GNA14: variants seen among roughly 807,000 people sequenced by gnomAD.
GNA14 encodes the protein guanine nucleotide-binding protein subunit alpha-14.
Under a neutral mutation model 42.0 loss-of-function variants are expected in GNA14, and 50 were observed. The ratio of observed to expected loss-of-function variants is 1.19; its 90% CI spans 0.95 to 1.51. GNA14 has a LOEUF of 1.51. Ranked by LOEUF, GNA14 falls within the 40% of genes most tolerant of loss-of-function variation. GNA14 has a pLI of 0.00. For missense variants in GNA14, 473 were observed against 446.2 expected, an observed-to-expected ratio of 1.06 and a Z score of -0.54; for synonymous variants, 173 against 163.1, an observed-to-expected ratio of 1.06 and a Z score of -0.46.
intron 2 of GNA14, among the ~76,000 whole-genome samples, chr9:77,487,463 T>C (rs1259098917): frequency 1.3e-5 from 2 of 151,544 alleles, no homozygotes; most frequent in Non-Finnish European, 2.9e-5. Context: ...TCCTCTTCCT[T>C]ATCTATAAAA....
At chr9:77,617,310 C>G (rs1045656715) in intron 1 of GNA14, among the ~76,000 whole-genome samples, 1 of 152,146 alleles carries the variant, frequency 6.6e-6, no homozygotes, top group Admixed American at 6.5e-5. Flanking sequence ...TCTCCAACCT[C>G]TCTCACCCAT....
At position 77,578,044 on chromosome 9, in the gene GNA14, G is replaced by C. The variant is rs370683764; in HGVS notation, c.125-48791C>G. On this transcript the variant is annotated intron_variant, in intron 1 of 6. Coordinates refer to ENST00000341700, the MANE Select transcript of GNA14 (RefSeq NM_004297.4). ...GCACCTTGGGAGGCTGAGGCGGGCA[G>C]ATCACGAGGTCAAGAGATCGAGACC... 9.2e-5 allele frequency among the ~76,000 whole-genome samples: 14 copies of C among 152,004 alleles called. 1 individual carries two copies. In the East Asian group the frequency reaches 1.9e-3, roughly 21 times the overall value.
chr9:77,561,351 G>A (rs144835112), intron 1 of GNA14, among the ~76,000 whole-genome samples: 182 of 152,104 alleles, frequency 1.2e-3, no homozygotes, highest in African/African-American at 3.8e-3. Flanking sequence ...TTTAGAGGCC[G>A]AATAAAGGAT....
At chr9:77,602,314 T>C (rs149033871) in intron 1 of GNA14, among the ~76,000 whole-genome samples, 19 of 152,342 alleles carry the variant, frequency 1.2e-4, no homozygotes, top group African/African-American at 4.3e-4. Context: ...CTCCACACTA[T>C]AGACTAAATT....
intron 2 of GNA14, among the ~76,000 whole-genome samples, chr9:77,469,365 TAAAAAAAAAAA>T (rs10537760): frequency 8.6e-5 from 10 of 116,934 alleles, no homozygotes; most frequent in East Asian, 2.6e-4. Flanking sequence ...TAAACTGTGT[TAAAAAAAAAAA>T]AAAAAAAAAA....
At chr9:77,504,245 C>A (rs1587804462) in intron 2 of GNA14, among the ~76,000 whole-genome samples, 1 of 152,004 alleles carries the variant, frequency 6.6e-6, no homozygotes, top group African/African-American at 2.4e-5. Flanking sequence ...TTTTCAAGGG[C>A]CCTTATAAAC....
chr9:77,458,530 T>C (rs777672730), intron 2 of GNA14, among the ~76,000 whole-genome samples: 5 of 152,322 alleles, frequency 3.3e-5, no homozygotes, highest in Admixed American at 6.5e-5. Context: ...CATCAGAATA[T>C]GGTTGCCAAA....
At chr9:77,572,199 A>T (rs753774793) in intron 1 of GNA14, among the ~76,000 whole-genome samples, 1 of 152,208 alleles carries the variant, frequency 6.6e-6, no homozygotes, top group Non-Finnish European at 1.5e-5. Context: ...AGTTATAAGG[A>T]ACTAAAAGAA....
chr9:77,437,579 A>AGGAAG (rs1184176536), intron 2 of GNA14, among the ~76,000 whole-genome samples: 25 of 151,202 alleles, frequency 1.7e-4, no homozygotes, highest in African/African-American at 1.5e-4. Flanking sequence ...AGAGAGAGAG[A>AGGAAG]GGAAGGGAAG....
chr9:77,463,366 A>T (rs1836152178), intron 2 of GNA14, among the ~76,000 whole-genome samples: 1 of 152,192 alleles, frequency 6.6e-6, no homozygotes, highest in Non-Finnish European at 1.5e-5. Flanking sequence ...GCTCATAAAA[A>T]GCTTGGAATC....
At chr9:77,647,547 G>T in intron 1 of GNA14, 123 bp downstream of exon 1, 1 of 1,097,458 alleles carries the variant, frequency 9.1e-7, no homozygotes, top group Non-Finnish European at 1.3e-6. Context: ...CTCCGAGGGG[G>T]AGAAGGACGA....
intron 1 of GNA14, among the ~76,000 whole-genome samples, chr9:77,559,497 G>A (rs1822845555): frequency 6.6e-6 from 1 of 152,126 alleles, no homozygotes; most frequent in African/African-American, 2.4e-5. Flanking sequence ...AGATGAAGAG[G>A]GCATGCTCCA....
At chr9:77,622,932 G>A (rs565999312) in intron 1 of GNA14, among the ~76,000 whole-genome samples, 3 of 144,524 alleles carry the variant, frequency 2.1e-5, no homozygotes, top group South Asian at 4.5e-4. Context: ...TTCAGTTTCA[G>A]GTGGGGCACA....
intron 1 of GNA14, among the ~76,000 whole-genome samples, chr9:77,601,280 A>G (rs1339738673): frequency 1.3e-5 from 2 of 152,300 alleles, no homozygotes; most frequent in Non-Finnish European, 2.9e-5. Flanking sequence ...TGGTCGTGAC[A>G]CAAAAACCGA....
intron 1 of GNA14, among the ~76,000 whole-genome samples, chr9:77,609,923 T>C (rs1202391574): frequency 6.6e-6 from 1 of 152,152 alleles, no homozygotes; most frequent in Non-Finnish European, 1.5e-5. Context: ...TCCAGAAGGA[T>C]TGCAATTGTC....
intron 2 of GNA14, among the ~76,000 whole-genome samples, chr9:77,490,745 G>A (rs2131735942): frequency 6.6e-6 from 1 of 152,334 alleles, no homozygotes; most frequent in East Asian, 1.9e-4. Flanking sequence ...CACAGCCCCG[G>A]TTCCTGCTCA....
chr9:77,425,580 A>G lies in GNA14; in HGVS notation c.859T>C (p.Tyr287His). The G allele has an allele frequency of 6.2e-7, 1 of 1,606,110 alleles. No homozygotes were observed. The highest frequency in any genetic ancestry group is 8.5e-7 in the Non-Finnish European group (1 of 1,175,172). The change falls in exon 6 of 7, where the codon TAT becomes CAT. Residue 287 changes from tyrosine (Y) to histidine (H), a missense_variant. Coordinates refer to ENST00000341700, the MANE Select transcript of GNA14 (RefSeq NM_004297.4). ...CACTTACCTGTGTATTCTGGGAAATAGCTAATTAGATGAGAGTACATGATT... is the reference window on the plus strand; with the variant it reads ...CACTTACCTGTGTATTCTGGGAAATGGCTAATTAGATGAGAGTACATGATT... ...EKIMYSHLIS[Y>H]FPEYTGPKQD...
At chr9:77,447,745 G>A (rs1242812257) in intron 2 of GNA14, among the ~76,000 whole-genome samples, 1 of 152,192 alleles carries the variant, frequency 6.6e-6, no homozygotes, top group Admixed American at 6.5e-5. Context: ...CAGTCTGCAG[G>A]GGAGGGAAGA....
chr9:77,491,595 T>C (rs549312575), intron 2 of GNA14, among the ~76,000 whole-genome samples: 58 of 152,322 alleles, frequency 3.8e-4, no homozygotes, highest in Middle Eastern at 3.4e-3. Flanking sequence ...AAGGGGTCAA[T>C]TTGGCAAGAG....
Sources: gnomAD v4.1 joint callset for allele counts (sites outside exome capture counted in the v4.1 genomes callset) on GRCh38, gnomAD v4.1.1 for gene constraint, MANE v1.5 for transcripts, NCBI Gene and HGNC (gene_info 2026-07-23, HGNC 2026-07-21) for gene names.